SGCB: variants seen among roughly 807,000 people sequenced by gnomAD.
SGCB encodes the protein sarcoglycan beta.
In SGCB, 25 loss-of-function variants were observed where a neutral mutation model predicts 27.3. The observed-to-expected ratio is 0.92, with a 90% CI of 0.67 to 1.28. The LOEUF is 1.28. Ranked by LOEUF, SGCB falls within the 50% of genes most tolerant of loss-of-function variation. The probability of loss-of-function intolerance (pLI) is 0.00; values close to 1 mark genes in which losing one functional copy is unlikely to be tolerated. For synonymous variants in SGCB, 147 were observed against 133.5 expected, an observed-to-expected ratio of 1.10 and a Z score of -0.70; for missense variants, 436 against 402.1, an observed-to-expected ratio of 1.08 and a Z score of -0.72.
At chr4:52,036,666 C>T (rs889047550) in intron 1 of SGCB, among the ~76,000 whole-genome samples, 3 of 152,152 alleles carry the variant, frequency 2.0e-5, no homozygotes, top group South Asian at 2.1e-4. Context: ...GTCAGGATCT[C>T]GTGATTGTTT....
intron 2 of SGCB, among the ~76,000 whole-genome samples, chr4:52,031,312 T>A (rs1403424917): frequency 1.3e-5 from 2 of 152,104 alleles, no homozygotes; most frequent in African/African-American, 2.4e-5. Context: ...AGAGTTTTTT[T>A]ATCTTCTAAT....
chr4:52,029,687 G>C lies in SGCB; in HGVS notation c.420C>G (p.Asn140Lys). ...RRNENLVITG[N>K]NQPIVFQQGT... ...TAATGTGGCAACTTACAGGCTGGTTGTTGCCAGTGATGACCAAATTTTCAT... is the reference window on the plus strand; with the variant it reads ...TAATGTGGCAACTTACAGGCTGGTTCTTGCCAGTGATGACCAAATTTTCAT... The change falls in exon 3 of 6, where the codon AAC becomes AAG. Residue 140 changes from asparagine (N) to lysine (K), a missense_variant. Coordinates refer to ENST00000381431, the MANE Select transcript of SGCB (RefSeq NM_000232.5). The C allele has an allele frequency of 6.2e-7, 1 of 1,611,600 alleles. No individual in the cohort carries two copies. The highest frequency in any genetic ancestry group is 8.5e-7 in the Non-Finnish European group (1 of 1,177,790).
chr4:52,024,427 T>C (rs1014714934), intron 5 of SGCB, among the ~76,000 whole-genome samples: 1 of 152,200 alleles, frequency 6.6e-6, no homozygotes, highest in Admixed American at 6.5e-5. Context: ...AATTCCTAAG[T>C]TCATAATAAA....
chr4:52,036,103 G>A (rs1052503419), intron 1 of SGCB, among the ~76,000 whole-genome samples: 2 of 152,228 alleles, frequency 1.3e-5, no homozygotes, highest in African/African-American at 4.8e-5. Flanking sequence ...CTGTAGTGGA[G>A]CAATGCATAC....
rs1412020365 is a variant in SGCB, at chr4:52,028,877, G to A, written c.474C>T (p.Asn158=). 6.2e-7 allele frequency: 1 copy of A among 1,613,748 alleles called. No individual in the cohort carries two copies. Among genetic ancestry groups the A allele is most frequent in the African/African-American group, 1.3e-5 (1 of 74,854 alleles). Residue 158 remains asparagine, a synonymous_variant, in exon 4 of 6, where the codon AAC becomes AAT. Coordinates refer to ENST00000381431, the MANE Select transcript of SGCB (RefSeq NM_000232.5). ...QGTTKLSVEN[N]KTSITSDIGM... ...CGATGTCACTTGTAATAGAAGTTTTGTTGTTTTCTACACTGAGCTTTGTTG... is the reference window on the plus strand; with the variant it reads ...CGATGTCACTTGTAATAGAAGTTTTATTGTTTTCTACACTGAGCTTTGTTG...
At chr4:52,030,877 G>T (rs1239836919) in intron 2 of SGCB, among the ~76,000 whole-genome samples, 1 of 152,100 alleles carries the variant, frequency 6.6e-6, no homozygotes, top group African/African-American at 2.4e-5. Context: ...GCAAAAATAC[G>T]TCTTTATAAT....
At chr4:52,034,225 C>T (rs1201889361) in intron 1 of SGCB, among the ~76,000 whole-genome samples, 2 of 127,196 alleles carry the variant, frequency 1.6e-5, no homozygotes, top group African/African-American at 5.2e-5. Context: ...CCAGCTACTC[C>T]GGAGGCTGAG....
intron 2 of SGCB, among the ~76,000 whole-genome samples, chr4:52,033,165 AC>A (rs996740488): frequency 6.6e-6 from 1 of 152,226 alleles, no homozygotes; most frequent in Non-Finnish European, 1.5e-5. Context: ...CTCATGCTCT[AC>A]CGATTGAGCT....
intron 5 of SGCB, among the ~76,000 whole-genome samples, chr4:52,027,024 T>G (rs900644015): frequency 6.6e-6 from 1 of 152,194 alleles, no homozygotes; most frequent in African/African-American, 2.4e-5. Flanking sequence ...TATTTAGAGA[T>G]GGGATTATGT....
chr4:52,033,332 C>A, intron 2 of SGCB, 99 bp downstream of exon 2: 4 of 763,812 alleles, frequency 5.2e-6, no homozygotes, highest in Non-Finnish European at 9.2e-6. Flanking sequence ...AGAGACAAGA[C>A]ATGTATAGAA....
chr4:52,038,117 C>CCCTGCGG, intron 1 of SGCB, 110 bp downstream of exon 1: 1 of 812,324 alleles, frequency 1.2e-6, no homozygotes, highest in South Asian at 5.7e-5. Flanking sequence ...CGAACCCAGA[C>CCCTGCGG]CCTGCGGCCC....
chr4:52,028,481 C>T (rs1737165991), intron 4 of SGCB, among the ~76,000 whole-genome samples: 1 of 152,048 alleles, frequency 6.6e-6, no homozygotes, highest in African/African-American at 2.4e-5. Context: ...ACTAAAAATA[C>T]AAAACTTAGC....
chr4:52,024,033 G>A lies in SGCB; in HGVS notation c.881C>T (p.Thr294Met), dbSNP rs767102412. The A allele has an allele frequency of 1.2e-5, 20 of 1,614,094 alleles. No homozygotes were observed. Among genetic ancestry groups the A allele is most frequent in the South Asian group, 8.8e-5 (8 of 91,082 alleles). Residue 294 changes from threonine (T) to methionine (M), a missense_variant, in exon 6 of 6, where the codon ACG becomes ATG. Thr to Met is a moderately conservative substitution (Grantham distance 81). Transcript: ENST00000381431. ...GCTGGTTACTTGCACCTTGAAGAGC[G>A]TCCCATCAGCACACATGCAGAGCTT... Reference protein sequence around the residue: ...RYKLCMCADGTLFKVQVTSQN... With the variant: ...RYKLCMCADGMLFKVQVTSQN...
At chr4:52,033,181 G>A (rs1015680522) in intron 2 of SGCB, among the ~76,000 whole-genome samples, 1 of 152,124 alleles carries the variant, frequency 6.6e-6, no homozygotes, top group African/African-American at 2.4e-5. Flanking sequence ...TGAGCTAGGT[G>A]GGAGCCTCAT....
intron 5 of SGCB, among the ~76,000 whole-genome samples, chr4:52,024,702 C>T (rs1456633935): frequency 6.6e-6 from 1 of 151,808 alleles, no homozygotes; most frequent in Non-Finnish European, 1.5e-5. Context: ...GTGGTGGGCA[C>T]CTGTAGTCCC....
chr4:52,035,895 G>A (rs1011712564), intron 1 of SGCB, among the ~76,000 whole-genome samples: 4 of 152,126 alleles, frequency 2.6e-5, no homozygotes, highest in Non-Finnish European at 4.4e-5. Context: ...CTCCTGAGAC[G>A]TAGTCTTTAC....
Position 52,024,094 on chromosome 4 carries a change from C to T in SGCB, c.820G>A (p.Gly274Arg). The change falls in exon 6 of 6, where the codon GGA becomes AGA. Residue 274 changes from glycine to arginine, a missense_variant. Coordinates refer to ENST00000381431, the MANE Select transcript of SGCB (RefSeq NM_000232.5). Reference protein sequence around the residue: ...STTRLPSSSSGDQLGSGDWVR... With the variant: ...STTRLPSSSSRDQLGSGDWVR... ...CAGTCACCACTACCCAACTGGTCTC[C>T]ACTGGAGGAACTGGGTAGGCGGGTG... The T allele has an allele frequency of 6.2e-7, 1 of 1,614,050 alleles. No individual in the cohort carries two copies. Among genetic ancestry groups the T allele is most frequent in the Non-Finnish European group, 8.5e-7 (1 of 1,179,984 alleles).
rs562712725 is a variant in SGCB at position 52,027,851 on chromosome 4, T to C, written c.753+117A>G. The C allele has an allele frequency of 8.5e-5, 84 of 986,466 alleles. 1 individual carries two copies. In the Admixed American group the frequency reaches 9.3e-4, roughly 11 times the overall value. 61.1% of individuals were successfully genotyped at this position (986,466 alleles called of 1,614,324 possible). On this transcript the variant is annotated intron_variant, in intron 5 of 5. Transcript: ENST00000381431. The stretch of plus-strand genomic sequence containing the variant: ...TACTTCACAACCCACTTTGAACATC[T>C]TTCCATGTCAAAAAATAGACAATTA...
chr4:52,033,572 T>C lies in SGCB; in HGVS notation c.102A>G (p.Lys34=). ...EKAVERRSVN[K]EHNSNFKAGY... The stretch of plus-strand genomic sequence containing the variant: ...CAGCTTTAAAGTTACTGTTGTGCTC[T>C]TTATTGACACTCCTTCTCTCAACAG... Residue 34 remains lysine, a synonymous_variant, in exon 2 of 6, where the codon AAA becomes AAG. Coordinates refer to ENST00000381431, the MANE Select transcript of SGCB (RefSeq NM_000232.5). 6.2e-7 allele frequency: 1 copy of C among 1,613,902 alleles called. No homozygotes were observed. Among genetic ancestry groups the C allele is most frequent in the Non-Finnish European group, 8.5e-7 (1 of 1,179,800 alleles).
Sources: gnomAD v4.1 joint callset for allele counts (sites outside exome capture counted in the v4.1 genomes callset) on GRCh38, gnomAD v4.1.1 for gene constraint, MANE v1.5 for transcripts, NCBI Gene and HGNC (gene_info 2026-07-23, HGNC 2026-07-21) for gene names.